TAFA1: variants seen among roughly 807,000 people sequenced by gnomAD.
The protein encoded by TAFA1 is chemokine-like protein TAFA-1.
In TAFA1, 4 loss-of-function variants were observed where a neutral mutation model predicts 18.5. The ratio of observed to expected loss-of-function variants is 0.22; its 90% CI spans 0.11 to 0.49. TAFA1 has a LOEUF of 0.49. Ranked by LOEUF, TAFA1 falls within the 20% of genes least tolerant of loss-of-function variation. The pLI, the probability that TAFA1 is intolerant of heterozygous loss-of-function variation, is 0.98. For missense variants in TAFA1, 147 were observed against 169.0 expected (o/e 0.87, Z 0.72); for synonymous variants, 56 against 55.2 (o/e 1.01, Z -0.06).
intron 2 of TAFA1, among the ~76,000 whole-genome samples, chr3:68,015,156 TTGTGTC>T (rs1346690017): frequency 5.9e-5 from 9 of 152,148 alleles, no homozygotes; most frequent in Non-Finnish European, 1.5e-5. Context: ...GACTAAAACA[TTGTGTC>T]TGTAAGCTAA....
At position 68,363,072 on chromosome 3, in the gene TAFA1, A is replaced by G. The variant is rs182789164; in HGVS notation, c.119-54208A>G. 4.7e-4 allele frequency among the ~76,000 whole-genome samples: 67 copies of G among 144,010 alleles called. No homozygotes were observed. In the East Asian group the frequency reaches 0.014, roughly 30 times the overall value. 94.5% of individuals were successfully genotyped at this position (144,010 alleles called of 152,430 possible). A position where few individuals can be genotyped will look rare whatever the true frequency, so the allele number is the denominator to read the frequency against. ...TTCTCTATTTTGGATGATATTGCCAATTACCTACTGGGGAATTCCTGATGT... is the reference window on the plus strand; with the variant it reads ...TTCTCTATTTTGGATGATATTGCCAGTTACCTACTGGGGAATTCCTGATGT... On this transcript the variant is annotated intron_variant, in intron 2 of 4. Transcript: ENST00000478136.
intron 2 of TAFA1, among the ~76,000 whole-genome samples, chr3:68,214,925 G>GTCTT (rs2066637423): frequency 1.3e-5 from 2 of 152,028 alleles, no homozygotes; most frequent in East Asian, 3.9e-4. Flanking sequence ...TAGTCCAAGT[G>GTCTT]TCTTAATAAG....
At chr3:68,382,014 C>T (rs985415173) in intron 2 of TAFA1, among the ~76,000 whole-genome samples, 2 of 150,942 alleles carry the variant, frequency 1.3e-5, no homozygotes, top group African/African-American at 4.8e-5. Context: ...CCTTTTCTGC[C>T]TTTCTATCTC....
At chr3:68,228,065 C>T (rs1326331228) in intron 2 of TAFA1, among the ~76,000 whole-genome samples, 1 of 152,086 alleles carries the variant, frequency 6.6e-6, no homozygotes, top group Non-Finnish European at 1.5e-5. Flanking sequence ...AGAACACAGG[C>T]TGTTTCGGCA....
chr3:68,260,441 T>C (rs9713932), intron 2 of TAFA1, among the ~76,000 whole-genome samples: 47,072 of 151,878 alleles, frequency 0.31, 7,720 homozygotes, highest in East Asian at 0.53. Context: ...ATCAGGATGA[T>C]GCTGGCCTCA....
chr3:68,004,992 G>A (rs978249367), intron 1 of TAFA1, among the ~76,000 whole-genome samples: 3 of 151,966 alleles, frequency 2.0e-5, no homozygotes, highest in African/African-American at 7.3e-5. Context: ...GCAAGAGAAA[G>A]CAGTCATTGA....
At chr3:68,043,676 T>G (rs1486483620) in intron 2 of TAFA1, among the ~76,000 whole-genome samples, 1 of 152,130 alleles carries the variant, frequency 6.6e-6, no homozygotes, top group Non-Finnish European at 1.5e-5. Context: ...ATTTAAACAT[T>G]TTTTCTCTCC....
At chr3:68,517,568 C>A (rs1394333619) in intron 3 of TAFA1, among the ~76,000 whole-genome samples, 1 of 152,132 alleles carries the variant, frequency 6.6e-6, no homozygotes, top group African/African-American at 2.4e-5. Flanking sequence ...AACAAGCCTC[C>A]TCTGGGCAGC....
In TAFA1 at chr3:68,260,708, G is replaced by A. The variant is rs193135658; in HGVS notation, c.119-156572G>A. Among the ~76,000 whole-genome samples the A allele has an allele frequency of 3.1e-3, 470 of 152,196 alleles. 2 individuals are homozygous for A. Among genetic ancestry groups the A allele is most frequent in the African/African-American group, 0.011 (450 of 41,530 alleles). On this transcript the variant is annotated intron_variant, in intron 2 of 4. Transcript: ENST00000478136. Reference sequence around the variant, plus strand: ...TTAATAAATGATGCTGGGAAAACTGGCTAGCCATATGTAGAAAGCTGAAAT... The same window carrying A: ...TTAATAAATGATGCTGGGAAAACTGACTAGCCATATGTAGAAAGCTGAAAT...
At chr3:68,014,986 T>C (rs1704540570) in intron 2 of TAFA1, among the ~76,000 whole-genome samples, 1 of 152,052 alleles carries the variant, frequency 6.6e-6, no homozygotes, top group Non-Finnish European at 1.5e-5. Context: ...AACTCTAACA[T>C]TTTATGATTT....
chr3:68,466,975 G>A (rs942204651), intron 3 of TAFA1, among the ~76,000 whole-genome samples: 2 of 152,116 alleles, frequency 1.3e-5, no homozygotes, highest in African/African-American at 2.4e-5. Context: ...GGGAGTGTAC[G>A]AATAGGAATG....
At chr3:68,411,680 C>T (rs1172282165) in intron 2 of TAFA1, among the ~76,000 whole-genome samples, 1 of 152,136 alleles carries the variant, frequency 6.6e-6, no homozygotes, top group Non-Finnish European at 1.5e-5. Flanking sequence ...TAGAATATCT[C>T]CTTTCTTAGA....
At chr3:68,307,918 T>C (rs2068448672) in intron 2 of TAFA1, among the ~76,000 whole-genome samples, 1 of 152,158 alleles carries the variant, frequency 6.6e-6, no homozygotes, top group Admixed American at 6.5e-5. Flanking sequence ...CTCACTGGTT[T>C]CTAATATGAC....
intron 2 of TAFA1, among the ~76,000 whole-genome samples, chr3:68,248,855 G>T (rs1315671006): frequency 6.6e-6 from 1 of 152,086 alleles, no homozygotes; most frequent in Admixed American, 6.5e-5. Context: ...GCAGGCAGTT[G>T]TAGTTTTCCT....
intron 4 of TAFA1, among the ~76,000 whole-genome samples, chr3:68,543,708 G>A (rs1198850494): frequency 6.6e-6 from 1 of 152,092 alleles, no homozygotes; most frequent in East Asian, 1.9e-4. Flanking sequence ...CTAGAGTAGA[G>A]TCTTCAACTC....
chr3:68,152,958 A>G (rs567224902), intron 2 of TAFA1, among the ~76,000 whole-genome samples: 28 of 152,198 alleles, frequency 1.8e-4, no homozygotes, highest in Middle Eastern at 3.4e-3. Context: ...GGAGAGTGGG[A>G]CCAGCTGCTT....
chr3:68,171,505 C>T (rs986264459), intron 2 of TAFA1, among the ~76,000 whole-genome samples: 2 of 152,076 alleles, frequency 1.3e-5, no homozygotes, highest in African/African-American at 2.4e-5. Flanking sequence ...GAAGGAGGAT[C>T]TGATTTTCAG....
chr3:68,234,824 A>G (rs1275298835), intron 2 of TAFA1, among the ~76,000 whole-genome samples: 1 of 152,226 alleles, frequency 6.6e-6, no homozygotes, highest in Non-Finnish European at 1.5e-5. Context: ...ACTGAAAATC[A>G]CATAAAGGCA....
intron 2 of TAFA1, among the ~76,000 whole-genome samples, chr3:68,218,534 T>C (rs570755314): frequency 6.6e-6 from 1 of 152,250 alleles, no homozygotes; most frequent in African/African-American, 2.4e-5. Flanking sequence ...CATATCTTTA[T>C]GTCTGTTTGT....
Sources: gnomAD v4.1 joint callset for allele counts (sites outside exome capture counted in the v4.1 genomes callset) on GRCh38, gnomAD v4.1.1 for gene constraint, MANE v1.5 for transcripts, NCBI Gene and HGNC (gene_info 2026-07-23, HGNC 2026-07-21) for gene names.